MELK: variants seen among roughly 807,000 people sequenced by gnomAD.
MELK encodes the protein maternal embryonic leucine zipper kinase, also known as pEg3 kinase.
In MELK, 81 loss-of-function variants were observed where a neutral mutation model predicts 85.0. The observed-to-expected ratio is 0.95, with a 90% CI of 0.80 to 1.15. The LOEUF is 1.15. Ranked by LOEUF, MELK falls within the 50% of genes most tolerant of loss-of-function variation. The pLI, the probability that MELK is intolerant of heterozygous loss-of-function variation, is 0.00. For synonymous variants in MELK, 252 were observed against 265.0 expected (o/e 0.95, Z 0.48); for missense variants, 754 against 777.5 (o/e 0.97, Z 0.36).
chr9:36,644,766 A>G (rs1305388173), intron 11 of MELK, among the ~76,000 whole-genome samples: 2 of 152,252 alleles, frequency 1.3e-5, no homozygotes, highest in Admixed American at 1.3e-4. Flanking sequence ...CAAAGTAGAG[A>G]GAATAGTATA....
intron 11 of MELK, among the ~76,000 whole-genome samples, chr9:36,649,216 G>A (rs902930137): frequency 7.9e-5 from 12 of 152,164 alleles, no homozygotes; most frequent in African/African-American, 2.7e-4. Context: ...GCTAGGTGCG[G>A]CGGCTCACAC....
intron 15 of MELK, 54 bp from the exon 16 acceptor site, chr9:36,670,944 C>T: frequency 6.6e-7 from 1 of 1,523,710 alleles, no homozygotes; most frequent in Non-Finnish European, 8.8e-7. Flanking sequence ...CCTTGTGGAC[C>T]CCACAGGCCG....
chr9:36,654,331 C>T (rs978179618), intron 12 of MELK, among the ~76,000 whole-genome samples: 1 of 149,474 alleles, frequency 6.7e-6, no homozygotes, highest in African/African-American at 2.5e-5. Context: ...GAGACATTTT[C>T]CTGAGACATT....
At chr9:36,592,554 A>G (rs1462542483) in intron 4 of MELK, among the ~76,000 whole-genome samples, 2 of 151,964 alleles carry the variant, frequency 1.3e-5, no homozygotes, top group Admixed American at 6.6e-5. Flanking sequence ...TTTTATACGT[A>G]TGTGTATTTT....
Position 36,673,658 on chromosome 9 carries a change from A to G in MELK, c.1675-1176A>G, listed in dbSNP as rs546231169. On this transcript the variant is annotated intron_variant, in intron 16 of 17. Transcript: ENST00000298048. ...GGCTGGTCTTGAACTCCTGAGCCCA[A>G]GTAATCCTCCTGCCTTGGCTTCCCA... is the stretch of plus-strand genomic sequence containing the variant. Among the ~76,000 whole-genome samples, 8 of 152,282 alleles carry G rather than the reference A, an allele frequency of 5.3e-5. No individual in the cohort carries two copies. In the South Asian group the frequency reaches 1.7e-3, roughly 32 times the overall value.
intron 1 of MELK, among the ~76,000 whole-genome samples, chr9:36,573,352 G>T (rs75870583): frequency 4.7e-4 from 71 of 152,170 alleles, no homozygotes; most frequent in African/African-American, 1.7e-3. Flanking sequence ...TTGACAGAAG[G>T]GTTTCGAGTT....
intron 10 of MELK, among the ~76,000 whole-genome samples, chr9:36,640,774 T>C (rs1829683671): frequency 6.6e-6 from 1 of 152,308 alleles, no homozygotes; most frequent in Admixed American, 6.5e-5. Context: ...ATAAGTGTAA[T>C]AACCCCATTT....
Position 36,630,441 on chromosome 9 carries a change from C to T in MELK, c.735+74C>T, listed in dbSNP as rs999273684. ...AACTTTTAAGATATCTGTGGTGCTA[C>T]ATCATTTCCTATTAGCTTGAAAAAA... On this transcript the variant is annotated intron_variant, in intron 9 of 17. Coordinates refer to ENST00000298048, the MANE Select transcript of MELK (RefSeq NM_014791.4). 184 of 1,185,310 alleles carry T rather than the reference C, an allele frequency of 1.6e-4. 1 individual carries two copies. In the Middle Eastern group the frequency reaches 3.4e-3, roughly 22 times the overall value. 73.4% of individuals were successfully genotyped at this position (1,185,310 alleles called of 1,614,324 possible).
At chr9:36,659,565 C>G (rs1372661947) in intron 13 of MELK, among the ~76,000 whole-genome samples, 3 of 152,122 alleles carry the variant, frequency 2.0e-5, no homozygotes, top group African/African-American at 7.2e-5. Flanking sequence ...TTTTACTATA[C>G]CTTTTCTCTG....
At chr9:36,629,752 C>T (rs1182494145) in intron 8 of MELK, among the ~76,000 whole-genome samples, 1 of 150,670 alleles carries the variant, frequency 6.6e-6, no homozygotes, top group African/African-American at 2.4e-5. Flanking sequence ...CTGTTATGTT[C>T]TTTGTGCTCT....
intron 9 of MELK, among the ~76,000 whole-genome samples, chr9:36,631,113 G>C (rs943990744): frequency 2.6e-5 from 4 of 151,052 alleles, no homozygotes; most frequent in Non-Finnish European, 5.9e-5. Flanking sequence ...ACAGGCGTGT[G>C]CCACTATGCC....
At position 36,665,502 on chromosome 9, in the gene MELK, GC is replaced by G; in HGVS notation, c.1331del (p.Pro444GlnfsTer32). ...KNEEYFMFPE[P>X]KTPVNKNQHK... ...ATGAAGAGTACTTTATGTTTCCTGA[GC>G]CAAAGACTCCAGTTAATAAGAACCA... On this transcript the variant is annotated frameshift_variant, in exon 14 of 18. Coordinates refer to ENST00000298048, the MANE Select transcript of MELK (RefSeq NM_014791.4). LOFTEE classifies it high-confidence loss of function. 1 of 1,613,864 alleles carries G rather than the reference GC, an allele frequency of 6.2e-7. No individual in the cohort carries two copies. The highest frequency in any genetic ancestry group is 2.2e-5 in the East Asian group (1 of 44,804).
intron 8 of MELK, among the ~76,000 whole-genome samples, chr9:36,608,484 C>T (rs1825779356): frequency 6.6e-6 from 1 of 151,816 alleles, no homozygotes; most frequent in African/African-American, 2.4e-5. Flanking sequence ...TGGTTTCCGG[C>T]ATCCATGGGT....
At chr9:36,609,135 G>A (rs1564155816) in intron 8 of MELK, among the ~76,000 whole-genome samples, 1 of 152,126 alleles carries the variant, frequency 6.6e-6, no homozygotes, top group Non-Finnish European at 1.5e-5. Flanking sequence ...TAGGGGTGGA[G>A]AGTGACTGCC....
In MELK at chr9:36,674,474, T is replaced by C. The variant is rs191256260; in HGVS notation, c.1675-360T>C. ...GGTGTTTGTTTATCTTTCCGTGGTA[T>C]ACATTTCAGGACTGTTAATGTCTCT... is the stretch of plus-strand genomic sequence containing the variant. On this transcript the variant is annotated intron_variant, in intron 16 of 17. Transcript: ENST00000298048. 2.2e-4 allele frequency among the ~76,000 whole-genome samples: 33 copies of C among 152,324 alleles called. No individual in the cohort carries two copies. In the East Asian group the frequency reaches 6.2e-3, roughly 29 times the overall value.
At chr9:36,636,706 G>A (rs981313568) in intron 10 of MELK, among the ~76,000 whole-genome samples, 2 of 148,426 alleles carry the variant, frequency 1.3e-5, no homozygotes, top group African/African-American at 2.5e-5. Flanking sequence ...GGCTAACCTG[G>A]ACTTTTTTAT....
chr9:36,669,265 A>T, intron 14 of MELK, 45 bp from the exon 15 acceptor site: 1 of 1,284,842 alleles, frequency 7.8e-7, no homozygotes, highest in Non-Finnish European at 1.1e-6. Flanking sequence ...TTTCAGAACC[A>T]TAGTATGTGC....
chr9:36,668,494 T>TA (rs34737347), intron 14 of MELK, among the ~76,000 whole-genome samples: 2,530 of 152,182 alleles, frequency 0.017, 25 homozygotes, highest in Middle Eastern at 0.034. Flanking sequence ...ACAGGGAATA[T>TA]AAAAAATAAT....
At chr9:36,574,652 T>C (rs533576124) in intron 1 of MELK, among the ~76,000 whole-genome samples, 1 of 152,232 alleles carries the variant, frequency 6.6e-6, no homozygotes, top group East Asian at 1.9e-4. Flanking sequence ...TTCTACTTCC[T>C]GTTTGAAATT....
Sources: allele counts gnomAD v4.1 joint callset (sites outside exome capture counted in the v4.1 genomes callset), GRCh38; gene constraint gnomAD v4.1.1; transcripts MANE v1.5; gene names NCBI Gene and HGNC (gene_info 2026-07-23, HGNC 2026-07-21).